CSMD1: variants seen among roughly 807,000 people sequenced by gnomAD.
CSMD1 encodes the protein CUB and sushi domain-containing protein 1.
A neutral mutation model predicts 417.5 loss-of-function variants in CSMD1; 213 were observed. The observed-to-expected ratio is 0.51, with a 90% CI of 0.46 to 0.57. The LOEUF (loss-of-function observed/expected upper bound fraction) is 0.57. Among genes scored for constraint, CSMD1 ranks in the 20% least tolerant of loss-of-function variants. The pLI, the probability that CSMD1 is intolerant of heterozygous loss-of-function variation, is 0.00. For missense variants in CSMD1, 6,923 were observed against 4,529.7 expected (o/e 1.53, Z -15.17); for synonymous variants, 2,862 against 1,736.8 (o/e 1.65, Z -16.11).
chr8:4,801,072 G>A (rs1386986656), intron 1 of CSMD1, among the ~76,000 whole-genome samples: 1 of 152,148 alleles, frequency 6.6e-6, no homozygotes, highest in Non-Finnish European at 1.5e-5. Flanking sequence ...AAAACCTACA[G>A]ATCTGAAATG....
chr8:4,644,837 G>A (rs528439814), intron 1 of CSMD1, among the ~76,000 whole-genome samples: 1 of 152,230 alleles, frequency 6.6e-6, no homozygotes, highest in African/African-American at 2.4e-5. Context: ...TGATTGGCTT[G>A]TTTATATGCC....
chr8:4,109,000 G>A (rs1017957858), intron 3 of CSMD1, among the ~76,000 whole-genome samples: 3 of 152,166 alleles, frequency 2.0e-5, no homozygotes, highest in African/African-American at 7.2e-5. Flanking sequence ...GGAAAGGATT[G>A]GTTTCAGGAC....
intron 3 of CSMD1, among the ~76,000 whole-genome samples, chr8:4,113,751 T>C (rs1481143066): frequency 1.3e-5 from 2 of 152,146 alleles, no homozygotes; most frequent in Admixed American, 6.5e-5. Context: ...GAAACAGCCT[T>C]ATTGGTGAGA....
chr8:4,120,425 C>T (rs1234308615), intron 3 of CSMD1, among the ~76,000 whole-genome samples: 1 of 152,176 alleles, frequency 6.6e-6, no homozygotes, highest in Non-Finnish European at 1.5e-5. Context: ...GTTGAGTTTT[C>T]TCTCCTTCCT....
At chr8:3,060,739 T>TG (rs1812540294) in intron 49 of CSMD1, among the ~76,000 whole-genome samples, 1 of 152,176 alleles carries the variant, frequency 6.6e-6, no homozygotes, top group Admixed American at 6.5e-5. Context: ...GTTTTCAATA[T>TG]GATAGTATTA....
chr8:2,985,120 A>C (rs1189321366), intron 54 of CSMD1, among the ~76,000 whole-genome samples: 1 of 152,162 alleles, frequency 6.6e-6, no homozygotes, highest in Non-Finnish European at 1.5e-5. Context: ...CCCAATATAA[A>C]CTGTGACACA....
intron 1 of CSMD1, among the ~76,000 whole-genome samples, chr8:4,989,465 C>T (rs947078971): frequency 1.3e-5 from 2 of 152,118 alleles, no homozygotes; most frequent in African/African-American, 4.8e-5. Context: ...AAGATCTCCG[C>T]CTTTACACAA....
chr8:3,796,043 CTATCATAGATATAGATATA>C (rs1563088909), intron 5 of CSMD1, among the ~76,000 whole-genome samples: 1 of 56,874 alleles, frequency 1.8e-5, no homozygotes, highest in African/African-American at 5.5e-5. Flanking sequence ...AGATATATAT[CTATCATAGATATAGATATA>C]TATCTATCAT....
At chr8:4,941,331 TAATA>T (rs141188960) in intron 1 of CSMD1, among the ~76,000 whole-genome samples, 3,981 of 152,286 alleles carry the variant, frequency 0.026, 163 homozygotes, top group East Asian at 0.14. Context: ...ACACGCTTCA[TAATA>T]AATGTTTTGA....
intron 1 of CSMD1, among the ~76,000 whole-genome samples, chr8:4,956,738 G>A (rs1333538199): frequency 6.6e-6 from 1 of 152,072 alleles, no homozygotes; most frequent in Non-Finnish European, 1.5e-5. Context: ...GTCAACACAA[G>A]AGGAAAATAT....
intron 10 of CSMD1, among the ~76,000 whole-genome samples, chr8:3,506,445 T>A (rs1585270721): frequency 6.6e-6 from 1 of 152,198 alleles, no homozygotes; most frequent in African/African-American, 2.4e-5. Flanking sequence ...AGTACTCACA[T>A]TCTCACCACT....
At chr8:4,098,735 T>G (rs1801152943) in intron 3 of CSMD1, among the ~76,000 whole-genome samples, 1 of 152,220 alleles carries the variant, frequency 6.6e-6, no homozygotes, top group Non-Finnish European at 1.5e-5. Flanking sequence ...TCAGCAATAT[T>G]TATCCCTTCT....
At chr8:4,212,069 A>G (rs543836019) in intron 3 of CSMD1, among the ~76,000 whole-genome samples, 22 of 152,138 alleles carry the variant, frequency 1.4e-4, no homozygotes, top group Admixed American at 2.0e-4. Flanking sequence ...CAACTGTAAG[A>G]AAGAATATGC....
chr8:4,239,489 C>A (rs190873973), intron 3 of CSMD1, among the ~76,000 whole-genome samples: 2 of 152,324 alleles, frequency 1.3e-5, no homozygotes, highest in African/African-American at 4.8e-5. Context: ...CTCAGATCAG[C>A]TGCCCCACCC....
At chr8:3,511,861 T>C (rs894332708) in intron 10 of CSMD1, among the ~76,000 whole-genome samples, 4 of 151,372 alleles carry the variant, frequency 2.6e-5, no homozygotes, top group Non-Finnish European at 5.9e-5. Flanking sequence ...AAATGTAATA[T>C]GCAATTTATC....
At chr8:4,556,227 T>C (rs899453034) in intron 2 of CSMD1, among the ~76,000 whole-genome samples, 3 of 152,190 alleles carry the variant, frequency 2.0e-5, no homozygotes, top group African/African-American at 7.2e-5. Context: ...TCAGAAAAGT[T>C]AGGATTTCTC....
chr8:3,714,079 T>G (rs918567855), intron 6 of CSMD1, among the ~76,000 whole-genome samples: 2 of 146,322 alleles, frequency 1.4e-5, no homozygotes, highest in African/African-American at 5.0e-5. Flanking sequence ...TACACACATA[T>G]GTATATAATC....
At chr8:3,290,623 G>T (rs1275234461) in intron 25 of CSMD1, among the ~76,000 whole-genome samples, 1 of 147,074 alleles carries the variant, frequency 6.8e-6, no homozygotes, top group Non-Finnish European at 1.5e-5. Context: ...TTGGCTCTCT[G>T]TTTGTCTGTT....
intron 12 of CSMD1, among the ~76,000 whole-genome samples, chr8:3,441,396 A>G (rs1814975771): frequency 1.3e-5 from 2 of 151,914 alleles, no homozygotes; most frequent in East Asian, 1.9e-4. Flanking sequence ...TTTCTTCTTT[A>G]TCCTGTTAAT....
Sources: allele counts gnomAD v4.1 joint callset (sites outside exome capture counted in the v4.1 genomes callset), GRCh38; gene constraint gnomAD v4.1.1; transcripts MANE v1.5; gene names NCBI Gene and HGNC (gene_info 2026-07-23, HGNC 2026-07-21).